Variants in SLC44A4 observed in about 807,000 individuals in gnomAD.
SLC44A4 encodes choline transporter-like protein 4.
In SLC44A4, 74 loss-of-function variants were observed where a neutral mutation model predicts 97.0. The observed-to-expected ratio is 0.76, with a 90% CI of 0.63 to 0.93. The LOEUF (loss-of-function observed/expected upper bound fraction) is 0.93, where lower values mean the gene tolerates loss of function less well. SLC44A4 is among the 40% of genes least tolerant of loss of function. SLC44A4 has a pLI of 0.00. For synonymous variants in SLC44A4, 325 were observed against 363.8 expected (o/e 0.89, Z 1.21); for missense variants, 799 against 902.9 (o/e 0.88, Z 1.48).
rs1722891499 is a variant in SLC44A4 at position 31,874,349 on chromosome 6, T to G, written c.529+111A>C. The G allele has an allele frequency of 1.7e-6, 2 of 1,207,534 alleles. No individual in the cohort carries two copies. Among genetic ancestry groups the G allele is most frequent in the Admixed American group, 3.9e-5 (2 of 51,876 alleles). 74.8% of individuals were successfully genotyped at this position (1,207,534 alleles called of 1,614,324 possible). ...ATGAAGACCTGATGCTAATTCCAAT[T>G]TTGCCACCAACAAGCTATGTGACTT... is the stretch of plus-strand genomic sequence containing the variant. On this transcript the variant is annotated intron_variant, in intron 7 of 20. Coordinates refer to ENST00000229729, the MANE Select transcript of SLC44A4 (RefSeq NM_025257.3). The surrounding 1 kb of genome is among the most constrained non-coding windows in gnomAD (Gnocchi z 4.8).
At position 31,875,950 on chromosome 6, in the gene SLC44A4, T is replaced by G; in HGVS notation, c.164-20A>C. 1 of 1,613,948 alleles carries G rather than the reference T, an allele frequency of 6.2e-7. No homozygotes were observed. The highest frequency in any genetic ancestry group is 1.3e-5 in the African/African-American group (1 of 74,998). ...ACCAGGCTGCAGACAGAGGCACAGA[T>G]GAGTCATTGGAGGGCAGGGACTTAG... On this transcript the variant is annotated intron_variant, in intron 3 of 20. Coordinates refer to ENST00000229729, the MANE Select transcript of SLC44A4 (RefSeq NM_025257.3).
intron 7 of SLC44A4, among the ~76,000 whole-genome samples, chr6:31,872,203 G>A (rs1763212895): frequency 6.6e-6 from 1 of 152,118 alleles, no homozygotes; most frequent in East Asian, 1.9e-4. Context: ...TTGCCAGGCA[G>A]CCTTGCTTTG....
At chr6:31,867,164 C>T (rs1762912868) in intron 13 of SLC44A4, among the ~76,000 whole-genome samples, 1 of 151,968 alleles carries the variant, frequency 6.6e-6, no homozygotes, top group Non-Finnish European at 1.5e-5. Context: ...ACTGCAACCT[C>T]TGCCTCCCGT....
chr6:31,865,857 C>A lies in SLC44A4; in HGVS notation c.1487+16G>T. The A allele has an allele frequency of 6.2e-7, 1 of 1,614,020 alleles. No homozygotes were observed. The highest frequency in any genetic ancestry group is 8.5e-7 in the Non-Finnish European group (1 of 1,179,926). ...CCCCCGTGCCTACAATGACCAGGCC[C>A]CTGCCCCATCCTTACCGGAGTGTGC... On this transcript the variant is annotated intron_variant, in intron 14 of 20. Coordinates refer to ENST00000229729, the MANE Select transcript of SLC44A4 (RefSeq NM_025257.3). The surrounding 1 kb of genome is among the most constrained non-coding windows in gnomAD (Gnocchi z 5.2).
At chr6:31,873,440 C>T (rs1452374136) in intron 7 of SLC44A4, among the ~76,000 whole-genome samples, 1 of 152,158 alleles carries the variant, frequency 6.6e-6, no homozygotes, top group Admixed American at 6.5e-5. Context: ...GCCTCAGCCT[C>T]CCAAAGTGCT....
chr6:31,877,056 A>C lies in SLC44A4; in HGVS notation c.67T>G (p.Phe23Val). Reference sequence around the variant, plus strand: ...CACCTGTTCTTGATGGGGCCTCGAAAGGAGGGGTCGTATTTGACTGGCTTC... The same window carrying C: ...CACCTGTTCTTGATGGGGCCTCGAACGGAGGGGTCGTATTTGACTGGCTTC... ...YGKPVKYDPS[F>V]RGPIKNRSCT... The change falls in exon 2 of 21, where the codon TTT becomes GTT. Residue 23 changes from phenylalanine to valine, a missense_variant. Physicochemically the swap from Phe to Val is conservative, Grantham distance 50. Transcript: ENST00000229729. The surrounding 1 kb of genome is among the most constrained non-coding windows in gnomAD (Gnocchi z 6.5). 6.2e-7 allele frequency: 1 copy of C among 1,610,246 alleles called. No individual in the cohort carries two copies. The highest frequency in any genetic ancestry group is 8.5e-7 in the Non-Finnish European group (1 of 1,179,116).
At chr6:31,869,017 T>C (rs1353574386) in intron 13 of SLC44A4, 138 bp downstream of exon 13, 11 of 638,950 alleles carry the variant, frequency 1.7e-5, no homozygotes, top group Non-Finnish European at 2.9e-5. Context: ...CTTCTAGCTC[T>C]GCTGGGGGTT....
intron 11 of SLC44A4, 60 bp downstream of exon 11, chr6:31,870,543 C>T: frequency 7.1e-7 from 1 of 1,407,736 alleles, no homozygotes; most frequent in Non-Finnish European, 9.8e-7. Context: ...CCCTAGGTCC[C>T]CTAGCACTCC....
At chr6:31,871,186 G>A (rs1763155294) in intron 9 of SLC44A4, 128 bp downstream of exon 9, 2 of 1,284,168 alleles carry the variant, frequency 1.6e-6, no homozygotes, top group Admixed American at 1.8e-5. Flanking sequence ...TGTTGGTCTT[G>A]GAATCCATTC....
At position 31,878,918 on chromosome 6, in the gene SLC44A4, C is replaced by G. The variant is rs756192061; in HGVS notation, c.40+23G>C. The G allele has an allele frequency of 6.2e-7, 1 of 1,613,692 alleles. No homozygotes were observed. The highest frequency in any genetic ancestry group is 8.5e-7 in the Non-Finnish European group (1 of 1,179,682). On this transcript the variant is annotated intron_variant, in intron 1 of 20. Transcript: ENST00000229729. This position sits in a 1 kb window ranked among gnomAD's most constrained non-coding sequence, Gnocchi z 4.0. ...CCGTCCTCCCCTCCCTCCACAGGGT[C>G]CCGGGCCTCGCCCCAGTCTCACCGT...
Position 31,864,747 on chromosome 6 carries a change from T to G in SLC44A4, c.1927-11A>C. The G allele has an allele frequency of 6.2e-7, 1 of 1,613,998 alleles. No individual in the cohort carries two copies. Among genetic ancestry groups the G allele is most frequent in the Non-Finnish European group, 8.5e-7 (1 of 1,179,992 alleles). ...CCCCAGGATGGAGGTCTGGAAGACATGACCCGTTGGGGTTATTGGGTTCCT... is the reference window on the plus strand; with the variant it reads ...CCCCAGGATGGAGGTCTGGAAGACAGGACCCGTTGGGGTTATTGGGTTCCT... On this transcript the variant is annotated splice_polypyrimidine_tract_variant and intron_variant, in intron 19 of 20. Coordinates refer to ENST00000229729, the MANE Select transcript of SLC44A4 (RefSeq NM_025257.3).
At position 31,876,822 on chromosome 6, in the gene SLC44A4, T is replaced by TA. The variant is rs141136081; in HGVS notation, c.89+211dup. ...TTCTCTCGCTTGTGAAGCCGGCACTTAAGTCAAGAAACAGAACATCCCCCC... is the reference window on the plus strand; with the variant it reads ...TTCTCTCGCTTGTGAAGCCGGCACTTAAAGTCAAGAAACAGAACATCCCCCC... On this transcript the variant is annotated intron_variant, in intron 2 of 20. Transcript: ENST00000229729. This position sits in a 1 kb window ranked among gnomAD's most constrained non-coding sequence, Gnocchi z 4.8. Among the ~76,000 whole-genome samples, 5,077 of 152,252 alleles carry TA rather than the reference T, an allele frequency of 0.033. 106 individuals are homozygous for TA. The highest frequency in any genetic ancestry group is 0.049 in the African/African-American group (2,022 of 41,542).
chr6:31,873,340 G>A (rs960147738), intron 7 of SLC44A4, among the ~76,000 whole-genome samples: 21 of 151,626 alleles, frequency 1.4e-4, no homozygotes, highest in African/African-American at 4.6e-4. Context: ...ATGCCACCAC[G>A]CCCAGCTAAG....
At position 31,877,095 on chromosome 6, in the gene SLC44A4, A is replaced by ATT. The variant is rs781325423; in HGVS notation, c.41-14_41-13insAA. On this transcript the variant is annotated splice_polypyrimidine_tract_variant and intron_variant, in intron 1 of 20. Coordinates refer to ENST00000229729, the MANE Select transcript of SLC44A4 (RefSeq NM_025257.3). This position sits in a 1 kb window ranked among gnomAD's most constrained non-coding sequence, Gnocchi z 6.5. ...TTGACTGGCTTCCCTGAGGGACATG[A>ATT]GAAGAGGTGTGGAGGATGAGTCTCT... The ATT allele has an allele frequency of 1.7e-5, 28 of 1,608,600 alleles. No individual in the cohort carries two copies. The East Asian group carries it at 6.2e-4, about 36-fold the overall frequency.
chr6:31,865,011 C>T lies in SLC44A4; in HGVS notation c.1830G>A (p.Val610=). 1 of 1,613,920 alleles carries T rather than the reference C, an allele frequency of 6.2e-7. No homozygotes were observed. The highest frequency in any genetic ancestry group is 8.5e-7 in the Non-Finnish European group (1 of 1,180,040). ...TCCCCACAGCTTCTGGTCCCTTACC[C>T]ACGCCTCCGACCACCAGCAGCTTCC... ...FFGKLLVVGG[V]GVLSFFFFSG... Residue 610 remains valine (V), a splice_region_variant and synonymous_variant, in exon 18 of 21, where the codon GTG becomes GTA. Transcript: ENST00000229729. The surrounding 1 kb of genome is among the most constrained non-coding windows in gnomAD (Gnocchi z 5.2).
At position 31,876,034 on chromosome 6, in the gene SLC44A4, C is replaced by A. The variant is rs773960649; in HGVS notation, c.163+22G>T. The A allele has an allele frequency of 6.2e-7, 1 of 1,613,960 alleles. No individual in the cohort carries two copies. The highest frequency in any genetic ancestry group is 8.5e-7 in the Non-Finnish European group (1 of 1,179,872). On this transcript the variant is annotated intron_variant, in intron 3 of 20. Transcript: ENST00000229729. This position sits in a 1 kb window ranked among gnomAD's most constrained non-coding sequence, Gnocchi z 4.8. Reference sequence around the variant, plus strand: ...TCCTGTCCCTCACCCACTGCCCTGGCTCTGAGCAGCTGGAAACTCACCCAC... The same window carrying A: ...TCCTGTCCCTCACCCACTGCCCTGGATCTGAGCAGCTGGAAACTCACCCAC...
chr6:31,863,697 G>C lies in SLC44A4; in HGVS notation c.2063C>G (p.Ser688Cys), dbSNP rs1562438611. 6.2e-7 allele frequency: 1 copy of C among 1,612,476 alleles called. No individual in the cohort carries two copies. Reference protein sequence around the residue: ...NGSLDRPYYMSKSLLKILGKK... With the variant: ...NGSLDRPYYMCKSLLKILGKK... ...GCCCAGAATCTTTAGAAGGCTCTTG[G>C]ACATGTAGTAGGGCCGGTCCAGGGA... The change falls in exon 21 of 21, where the codon TCC becomes TGC. Residue 688 changes from serine (S) to cysteine (C), a missense_variant. Ser to Cys is a moderately radical substitution (Grantham distance 112). Coordinates refer to ENST00000229729, the MANE Select transcript of SLC44A4 (RefSeq NM_025257.3).
intron 13 of SLC44A4, among the ~76,000 whole-genome samples, chr6:31,866,563 A>T (rs1762884020): frequency 6.6e-6 from 1 of 152,176 alleles, no homozygotes; most frequent in African/African-American, 2.4e-5. Context: ...GTGAAATGGC[A>T]TGATGTCCAG....
At position 31,874,603 on chromosome 6, in the gene SLC44A4, G is replaced by A. The variant is rs1383885654; in HGVS notation, c.469-83C>T. ...CCCCTCACCACCACCATGGGGCTCA[G>A]CCTGTCCCACACTCCCCAGGAGAGC... On this transcript the variant is annotated intron_variant, in intron 6 of 20. Transcript: ENST00000229729. The surrounding 1 kb of genome is among the most constrained non-coding windows in gnomAD (Gnocchi z 4.8). 4.5e-6 allele frequency: 7 copies of A among 1,572,566 alleles called. No individual in the cohort carries two copies. Among genetic ancestry groups the A allele is most frequent in the Non-Finnish European group, 6.0e-6 (7 of 1,157,722 alleles).
Sources: gnomAD v4.1 joint callset for allele counts (sites outside exome capture counted in the v4.1 genomes callset) on GRCh38, gnomAD v4.1.1 for gene constraint, Gnocchi (gnomAD v3.1) non-coding constraint, MANE v1.5 for transcripts, NCBI Gene and HGNC (gene_info 2026-07-23, HGNC 2026-07-21) for gene names.